HDAC4: variants seen among roughly 807,000 people sequenced by gnomAD.
HDAC4 encodes the protein histone deacetylase A.
In HDAC4, 16 loss-of-function variants were observed where a neutral mutation model predicts 135.1. That is an observed-to-expected ratio of 0.12 (90% confidence interval 0.08 to 0.18). The LOEUF is 0.18. HDAC4 is among the 10% of genes least tolerant of loss of function. The pLI, the probability that HDAC4 is intolerant of heterozygous loss-of-function variation, is 1.00. For missense variants in HDAC4, 1,143 were observed against 1,511.8 expected, an observed-to-expected ratio of 0.76 and a Z score of 4.05; for synonymous variants, 685 against 653.4, an observed-to-expected ratio of 1.05 and a Z score of -0.74.
intron 2 of HDAC4, among the ~76,000 whole-genome samples, chr2:239,302,869 T>C (rs116477921): frequency 6.6e-6 from 1 of 152,254 alleles, no homozygotes; most frequent in African/African-American, 2.4e-5. Context: ...CTCTCACCCA[T>C]AGGAGGGACT....
At chr2:239,358,665 C>A (rs1238430847) in intron 1 of HDAC4, among the ~76,000 whole-genome samples, 1 of 152,244 alleles carries the variant, frequency 6.6e-6, no homozygotes, top group African/African-American at 2.4e-5. Flanking sequence ...TGAGTCTATA[C>A]TGAGACCTCA....
intron 4 of HDAC4, among the ~76,000 whole-genome samples, chr2:239,186,173 G>A (rs533985704): frequency 1.3e-5 from 2 of 152,054 alleles, no homozygotes; most frequent in South Asian, 2.1e-4. Flanking sequence ...CCAGGAAACC[G>A]GAAAGTCCAA....
chr2:239,118,793 C>T (rs2039372788), intron 12 of HDAC4, among the ~76,000 whole-genome samples: 1 of 152,052 alleles, frequency 6.6e-6, no homozygotes, highest in Non-Finnish European at 1.5e-5. Flanking sequence ...AACATTGTCC[C>T]CATTTGCTCT....
chr2:239,339,551 C>T (rs1692165708), intron 2 of HDAC4, among the ~76,000 whole-genome samples: 1 of 152,204 alleles, frequency 6.6e-6, no homozygotes, highest in South Asian at 2.1e-4. Flanking sequence ...AGCAACTCAA[C>T]GGAGACCTAC....
intron 15 of HDAC4, among the ~76,000 whole-genome samples, chr2:239,107,718 G>C (rs1242047811): frequency 6.6e-6 from 1 of 152,240 alleles, no homozygotes; most frequent in Non-Finnish European, 1.5e-5. Flanking sequence ...GGTTTCCTTG[G>C]GGAAGTGACC....
At chr2:239,147,499 C>T (rs1559511204) in intron 7 of HDAC4, among the ~76,000 whole-genome samples, 1 of 152,278 alleles carries the variant, frequency 6.6e-6, no homozygotes, top group East Asian at 1.9e-4. Context: ...AGGGTCGAGG[C>T]TGCACGTGTA....
At chr2:239,247,696 G>A (rs1010439456) in intron 2 of HDAC4, among the ~76,000 whole-genome samples, 4 of 152,236 alleles carry the variant, frequency 2.6e-5, no homozygotes, top group African/African-American at 9.6e-5. Context: ...GAAAATAGGT[G>A]CATGTTAATA....
At chr2:239,081,999 C>T (rs1399827823) in intron 21 of HDAC4, 103 bp downstream of exon 21, 4 of 1,265,096 alleles carry the variant, frequency 3.2e-6, no homozygotes, top group Admixed American at 1.7e-5. Context: ...ACGAAGGCCG[C>T]ACTCACTGCT....
At chr2:239,145,339 T>C (rs1442940523) in intron 7 of HDAC4, among the ~76,000 whole-genome samples, 1 of 152,058 alleles carries the variant, frequency 6.6e-6, no homozygotes, top group Non-Finnish European at 1.5e-5. Context: ...CTGCGCCGGC[T>C]TCACCTTTCA....
intron 16 of HDAC4, among the ~76,000 whole-genome samples, chr2:239,096,846 T>A (rs1575011565): frequency 2.1e-5 from 2 of 96,822 alleles, no homozygotes; most frequent in African/African-American, 7.7e-5. Flanking sequence ...CTCTTCTCAC[T>A]CTGTGGAGGT....
chr2:239,346,031 C>A (rs970711473), intron 2 of HDAC4, among the ~76,000 whole-genome samples: 3 of 144,036 alleles, frequency 2.1e-5, no homozygotes, highest in African/African-American at 8.1e-5. Context: ...TCCTAACACA[C>A]ATACACACCG....
intron 17 of HDAC4, among the ~76,000 whole-genome samples, chr2:239,090,643 C>T (rs1405241153): frequency 9.1e-6 from 1 of 109,682 alleles, no homozygotes; most frequent in Admixed American, 1.0e-4. Flanking sequence ...GCTCTGTCTC[C>T]AAAAAGGAAA....
At chr2:239,347,587 C>A (rs1367832897) in intron 2 of HDAC4, among the ~76,000 whole-genome samples, 1 of 152,176 alleles carries the variant, frequency 6.6e-6, no homozygotes, top group African/African-American at 2.4e-5. Flanking sequence ...ACCATCTCGG[C>A]TCACTGCAAC....
Position 239,120,462 on chromosome 2 carries a change from C to T in HDAC4, c.1534-5152G>A, listed in dbSNP as rs539880129. Reference sequence around the variant, plus strand: ...AGACAGACATGCAGATACATATACACATGAAGAGACAGATACACAGATACA... The same window carrying T: ...AGACAGACATGCAGATACATATACATATGAAGAGACAGATACACAGATACA... On this transcript the variant is annotated intron_variant, in intron 12 of 26. Transcript: ENST00000543185. 1.3e-4 allele frequency among the ~76,000 whole-genome samples: 19 copies of T among 151,664 alleles called. 1 individual carries two copies. In the East Asian group the frequency reaches 3.7e-3, roughly 29 times the overall value.
chr2:239,302,203 T>A (rs1210474227), intron 2 of HDAC4, among the ~76,000 whole-genome samples: 1 of 152,144 alleles, frequency 6.6e-6, no homozygotes, highest in Admixed American at 6.5e-5. Context: ...TCTGTCCTGA[T>A]TGGAGAACAT....
At chr2:239,158,816 C>G (rs564297574) in intron 6 of HDAC4, among the ~76,000 whole-genome samples, 1 of 152,066 alleles carries the variant, frequency 6.6e-6, no homozygotes, top group Non-Finnish European at 1.5e-5. Flanking sequence ...CAGGCCAGAC[C>G]GCACACGCGT....
chr2:239,135,968 AAC>A (rs1237515793), intron 9 of HDAC4, among the ~76,000 whole-genome samples: 1 of 152,250 alleles, frequency 6.6e-6, no homozygotes, highest in Non-Finnish European at 1.5e-5. Context: ...AGTCAGCAGC[AAC>A]AGTCTCCAAG....
intron 7 of HDAC4, among the ~76,000 whole-genome samples, chr2:239,147,753 G>A (rs2041859397): frequency 6.6e-6 from 1 of 152,270 alleles, no homozygotes; most frequent in Admixed American, 6.5e-5. Flanking sequence ...TAGGGAACAG[G>A]GAGCAGGTGG....
At chr2:239,269,392 C>T (rs1403484489) in intron 2 of HDAC4, among the ~76,000 whole-genome samples, 1 of 152,200 alleles carries the variant, frequency 6.6e-6, no homozygotes, top group Non-Finnish European at 1.5e-5. Flanking sequence ...AAATATTGTA[C>T]ATTGTCTGTG....
Sources: gnomAD v4.1 joint callset for allele counts (sites outside exome capture counted in the v4.1 genomes callset) on GRCh38, gnomAD v4.1.1 for gene constraint, MANE v1.5 for transcripts, NCBI Gene and HGNC (gene_info 2026-07-23, HGNC 2026-07-21) for gene names.